NUP98: variants seen among roughly 807,000 people sequenced by gnomAD.
NUP98 encodes the protein nuclear pore complex protein Nup98-Nup96.
A neutral mutation model predicts 191.9 loss-of-function variants in NUP98; 26 were observed. That is an observed-to-expected ratio of 0.14 (90% CI 0.10 to 0.19). The LOEUF (loss-of-function observed/expected upper bound fraction) is 0.19, where lower values mean the gene tolerates loss of function less well. Ranked by LOEUF, NUP98 falls within the 10% of genes least tolerant of loss-of-function variation. NUP98 has a pLI of 1.00. For synonymous variants in NUP98, 808 were observed against 778.4 expected (o/e 1.04, Z -0.63); for missense variants, 1,941 against 2,178.8 (o/e 0.89, Z 2.17).
chr11:3,715,607 G>T lies in NUP98; in HGVS notation c.2400-1612C>A, dbSNP rs146554684. ...TTGCCAATATTTTCTTCTTTTTTGA[G>T]AGACAGGGTCTCCCTCTCCCGCTCA... On this transcript the variant is annotated intron_variant, in intron 18 of 32. Transcript: ENST00000324932. 7.2e-5 allele frequency among the ~76,000 whole-genome samples: 11 copies of T among 152,080 alleles called. No homozygotes were observed. The East Asian group carries it at 1.9e-3, about 27-fold the overall frequency.
chr11:3,684,310 T>C (rs1019195353), intron 29 of NUP98, among the ~76,000 whole-genome samples: 9 of 152,332 alleles, frequency 5.9e-5, no homozygotes, highest in African/African-American at 1.9e-4. Context: ...CTCGGCGCAG[T>C]GGCTCACGCC....
chr11:3,747,419 G>C lies in NUP98; in HGVS notation c.1268-2770C>G, dbSNP rs565673584. On this transcript the variant is annotated intron_variant, in intron 11 of 32. Transcript: ENST00000324932. ...CTTCAAGGAAAACCTGTAGAACAAAGGTTTATTATTATTACTAAATAACCA... is the reference window on the plus strand; with the variant it reads ...CTTCAAGGAAAACCTGTAGAACAAACGTTTATTATTATTACTAAATAACCA... 2.6e-4 allele frequency among the ~76,000 whole-genome samples: 40 copies of C among 152,138 alleles called. No individual in the cohort carries two copies. In the South Asian group the frequency reaches 7.9e-3, roughly 30 times the overall value.
At chr11:3,791,097 G>T (rs368024506) in intron 1 of NUP98, among the ~76,000 whole-genome samples, 19 of 151,712 alleles carry the variant, frequency 1.3e-4, no homozygotes, top group East Asian at 9.8e-4. Context: ...GGTTTTCACC[G>T]TGTTAGCCAG....
intron 20 of NUP98, chr11:3,711,777 A>G: frequency 4.3e-5 from 34 of 786,002 alleles, no homozygotes; most frequent in South Asian, 6.0e-5. Flanking sequence ...TCCCACATTT[A>G]TCATACCCTC....
At chr11:3,753,809 C>T (rs1001048422) in intron 10 of NUP98, among the ~76,000 whole-genome samples, 5 of 126,460 alleles carry the variant, frequency 4.0e-5, no homozygotes, top group Non-Finnish European at 6.3e-5. Context: ...TATGACGGTG[C>T]GTGCCTGTAA....
At chr11:3,723,480 T>C in intron 15 of NUP98, 25 bp from the exon 16 acceptor site, 1 of 1,598,332 alleles carries the variant, frequency 6.3e-7, no homozygotes, top group South Asian at 1.1e-5. Flanking sequence ...AAATAATACC[T>C]TAGCCTCTTG....
chr11:3,739,981 C>T (rs1262351359), intron 12 of NUP98, among the ~76,000 whole-genome samples: 1 of 152,102 alleles, frequency 6.6e-6, no homozygotes, highest in Non-Finnish European at 1.5e-5. Flanking sequence ...ATAGTACGTA[C>T]TACATATAAT....
intron 31 of NUP98, among the ~76,000 whole-genome samples, chr11:3,677,378 A>G (rs1210056465): frequency 1.3e-5 from 2 of 151,746 alleles, no homozygotes. Context: ...AAGCAGAACA[A>G]GATAATACTA....
intron 4 of NUP98, among the ~76,000 whole-genome samples, 182 bp downstream of exon 4, chr11:3,778,691 C>T (rs183316721): frequency 3.7e-4 from 57 of 152,334 alleles, no homozygotes; most frequent in Admixed American, 9.8e-4. Context: ...TAGAAATGTA[C>T]ATACTCTCTT....
rs1306788398 is a variant in NUP98 at position 3,775,604 on chromosome 11, C to CA, written c.495+277dup. 4.0e-5 allele frequency among the ~76,000 whole-genome samples: 6 copies of CA among 150,784 alleles called. No individual in the cohort carries two copies. In the East Asian group the frequency reaches 9.7e-4, roughly 24 times the overall value. ...TGACCATTCAGAAGCAAATTCTTAA[C>CA]ACAGTAAATTCAAATTCTACCTTAC... On this transcript the variant is annotated intron_variant, in intron 5 of 32. Transcript: ENST00000324932.
At chr11:3,748,995 T>C (rs1001581190) in intron 11 of NUP98, among the ~76,000 whole-genome samples, 12 of 150,080 alleles carry the variant, frequency 8.0e-5, no homozygotes, top group Non-Finnish European at 1.2e-4. Flanking sequence ...ATATCCACAA[T>C]ACACAAAGAA....
At chr11:3,755,049 T>C (rs1380549987) in intron 10 of NUP98, among the ~76,000 whole-genome samples, 1 of 152,142 alleles carries the variant, frequency 6.6e-6, no homozygotes, top group South Asian at 2.1e-4. Flanking sequence ...TTCATTATTC[T>C]TTTTGTAAAT....
chr11:3,777,048 T>A (rs1365692891), intron 4 of NUP98, among the ~76,000 whole-genome samples: 1 of 152,170 alleles, frequency 6.6e-6, no homozygotes, highest in African/African-American at 2.4e-5. Flanking sequence ...TACATTTTAT[T>A]TACATACATT....
At chr11:3,744,032 T>C (rs568332065) in intron 12 of NUP98, among the ~76,000 whole-genome samples, 2 of 152,242 alleles carry the variant, frequency 1.3e-5, no homozygotes, top group East Asian at 1.9e-4. Flanking sequence ...GCACTCCAGC[T>C]TGGGCAACAG....
chr11:3,773,833 TC>T, intron 5 of NUP98, 94 bp from the exon 6 acceptor site: 1 of 672,276 alleles, frequency 1.5e-6, no homozygotes, highest in Non-Finnish European at 2.6e-6. Flanking sequence ...CTAAAACTAG[TC>T]CCCCCAGGTC....
intron 14 of NUP98, among the ~76,000 whole-genome samples, chr11:3,728,473 C>T (rs759606994): frequency 7.9e-5 from 12 of 152,224 alleles, no homozygotes; most frequent in South Asian, 4.1e-4. Flanking sequence ...CGGCGGCTCA[C>T]GCCTGTAATC....
Position 3,768,686 on chromosome 11 carries a change from A to G in NUP98, c.843T>C (p.Thr281=). Residue 281 remains threonine (T), a synonymous_variant, in exon 8 of 33, where the codon ACT becomes ACC. Transcript: ENST00000324932. Reference sequence around the variant, plus strand: ...CAAATGGTTTGCTGAAGAGGCTGGTAGTCTGCTGATTCTGTTGGCCAAAGA... The same window carrying G: ...CAAATGGTTTGCTGAAGAGGCTGGTGGTCTGCTGATTCTGTTGGCCAAAGA... The part of the protein sequence containing the change: ...GGLFGQQNQQ[T]TSLFSKPFGQ... 6.2e-7 allele frequency: 1 copy of G among 1,609,226 alleles called. No homozygotes were observed. The highest frequency in any genetic ancestry group is 8.5e-7 in the Non-Finnish European group (1 of 1,177,040).
intron 22 of NUP98, 72 bp downstream of exon 22, chr11:3,705,125 TAGA>T (rs755848263): frequency 1.2e-4 from 177 of 1,438,944 alleles, no homozygotes; most frequent in Non-Finnish European, 1.6e-4. Flanking sequence ...CCACTTGGGT[TAGA>T]AGAAGAAAAG....
intron 1 of NUP98, among the ~76,000 whole-genome samples, chr11:3,787,740 T>G (rs569224335): frequency 2.0e-4 from 31 of 152,096 alleles, no homozygotes; most frequent in Middle Eastern, 3.2e-3. Context: ...ATGTCTGTAA[T>G]CCCAGCACTC....
Sources: allele counts gnomAD v4.1 joint callset (sites outside exome capture counted in the v4.1 genomes callset), GRCh38; gene constraint gnomAD v4.1.1; transcripts MANE v1.5; gene names NCBI Gene and HGNC (gene_info 2026-07-23, HGNC 2026-07-21).